BTAF1: variants seen among roughly 807,000 people sequenced by gnomAD.
BTAF1 encodes the protein B-TFIID TATA-box binding protein associated factor 1, also known as TATA-binding protein-associated factor 172.
BTAF1 carries 38 observed loss-of-function variants against 227.1 expected under a neutral mutation model. That is an observed-to-expected ratio of 0.17 (90% CI 0.13 to 0.22). The LOEUF (loss-of-function observed/expected upper bound fraction) is 0.22, where lower values mean the gene tolerates loss of function less well. Ranked by LOEUF, BTAF1 falls within the 10% of genes least tolerant of loss-of-function variation. The probability of loss-of-function intolerance (pLI) is 1.00; values close to 1 mark genes in which losing one functional copy is unlikely to be tolerated. For synonymous variants in BTAF1, 742 were observed against 751.9 expected (o/e 0.99, Z 0.21); for missense variants, 1,598 against 2,204.0 (o/e 0.73, Z 5.51).
In BTAF1 at chr10:92,008,288, CA is replaced by C; in HGVS notation, c.3813+15del. 1 of 1,552,112 alleles carries C rather than the reference CA, an allele frequency of 6.4e-7. No homozygotes were observed. Among genetic ancestry groups the C allele is most frequent in the Non-Finnish European group, 8.6e-7 (1 of 1,159,486 alleles). On this transcript the variant is annotated intron_variant, in intron 26 of 37. Coordinates refer to ENST00000265990, the MANE Select transcript of BTAF1 (RefSeq NM_003972.3). ...AAAATATCAGCAGGTAAGTTTTATA[CA>C]ATAGTGAGTTTTCCTTTCAAATGAA...
intron 28 of BTAF1, among the ~76,000 whole-genome samples, chr10:92,010,144 A>C (rs1850198281): frequency 6.6e-6 from 1 of 152,164 alleles, no homozygotes; most frequent in South Asian, 2.1e-4. Flanking sequence ...CAGTCACTTT[A>C]TGAGGTAGGA....
intron 25 of BTAF1, among the ~76,000 whole-genome samples, chr10:91,998,127 CAAA>C (rs55642022): frequency 1.6e-4 from 16 of 99,362 alleles, no homozygotes; most frequent in Non-Finnish European, 2.9e-4. Context: ...GACTCCATCT[CAAA>C]AAAAAAAAAA....
chr10:91,991,832 T>TATATATATACAC (rs1466556430), intron 20 of BTAF1, among the ~76,000 whole-genome samples: 3 of 11,294 alleles, frequency 2.7e-4, no homozygotes, highest in Admixed American at 3.5e-3. Context: ...TATATATATA[T>TATATATATACAC]ACACACATAT....
intron 1 of BTAF1, 127 bp downstream of exon 1, chr10:91,924,217 A>T: frequency 7.7e-7 from 1 of 1,305,036 alleles, no homozygotes; most frequent in South Asian, 1.5e-5. Flanking sequence ...TCTTCAGTAG[A>T]CTTCGGAGTT....
At chr10:91,963,001 T>A (rs1039879781) in intron 12 of BTAF1, among the ~76,000 whole-genome samples, 4 of 151,988 alleles carry the variant, frequency 2.6e-5, no homozygotes, top group Non-Finnish European at 4.4e-5. Context: ...ATTGTTTTTT[T>A]AAATCTAGTC....
chr10:91,948,333 T>A (rs1374667034), intron 4 of BTAF1, among the ~76,000 whole-genome samples: 5 of 151,234 alleles, frequency 3.3e-5, no homozygotes, highest in South Asian at 4.2e-4. Context: ...TGGTTTAAAA[T>A]TTTTTTTTCA....
chr10:91,956,651 T>C lies in BTAF1; in HGVS notation c.825T>C (p.Ile275=), dbSNP rs749729019. The C allele has an allele frequency of 2.5e-6, 4 of 1,610,052 alleles. No homozygotes were observed. Among genetic ancestry groups the C allele is most frequent in the Non-Finnish European group, 2.5e-6 (3 of 1,178,924 alleles). Residue 275 remains isoleucine (I), a synonymous_variant, in exon 7 of 38, where the codon ATT becomes ATC. Coordinates refer to ENST00000265990, the MANE Select transcript of BTAF1 (RefSeq NM_003972.3). ...ATATTCCAGACAGCTCTTCCTTAATTGAAGAGGTACTCTTGAAAGACTCTA... is the reference window on the plus strand; with the variant it reads ...ATATTCCAGACAGCTCTTCCTTAATCGAAGAGGTACTCTTGAAAGACTCTA... ...IDNIPDSSSL[I]EETNEWPLES...
intron 6 of BTAF1, 136 bp from the exon 7 acceptor site, chr10:91,956,392 A>G (rs1846087479): frequency 1.8e-6 from 2 of 1,117,580 alleles, no homozygotes; most frequent in Admixed American, 3.3e-5. Context: ...TATAAGCAGA[A>G]TATGGTGTAA....
At chr10:91,960,757 T>G (rs956593850) in intron 11 of BTAF1, among the ~76,000 whole-genome samples, 1 of 152,218 alleles carries the variant, frequency 6.6e-6, no homozygotes, top group Non-Finnish European at 1.5e-5. Context: ...ATGGCATGTC[T>G]TATAGAACAG....
intron 34 of BTAF1, among the ~76,000 whole-genome samples, chr10:92,021,469 A>G (rs779567771): frequency 6.6e-6 from 1 of 152,208 alleles, no homozygotes; most frequent in East Asian, 1.9e-4. Flanking sequence ...TAATAACTAT[A>G]TAACGGCCAA....
intron 20 of BTAF1, among the ~76,000 whole-genome samples, chr10:91,991,767 TTA>T (rs1163007088): frequency 4.2e-4 from 46 of 108,656 alleles, no homozygotes; most frequent in African/African-American, 1.3e-3. Context: ...AAAAAAAAAA[TTA>T]TATATATGTG....
At chr10:91,928,854 TCTCA>T (rs745478505) in intron 1 of BTAF1, among the ~76,000 whole-genome samples, 1 of 148,442 alleles carries the variant, frequency 6.7e-6, no homozygotes, top group Non-Finnish European at 1.5e-5. Context: ...GGAGGCAGAG[TCTCA>T]CTCTGTCCTC....
chr10:92,005,240 T>TG (rs1237124972), intron 25 of BTAF1, among the ~76,000 whole-genome samples: 1 of 152,000 alleles, frequency 6.6e-6, no homozygotes, highest in Non-Finnish European at 1.5e-5. Flanking sequence ...ACATGAGTTT[T>TG]TTTGTTTGTT....
chr10:92,014,086 T>A (rs1358908542), intron 32 of BTAF1, 57 bp downstream of exon 32: 2 of 1,535,758 alleles, frequency 1.3e-6, no homozygotes, highest in African/African-American at 2.8e-5. Flanking sequence ...GATTGTTTTG[T>A]ATGAGCCACA....
At chr10:92,022,190 A>G (rs1329745929) in intron 34 of BTAF1, among the ~76,000 whole-genome samples, 1 of 152,250 alleles carries the variant, frequency 6.6e-6, no homozygotes, top group East Asian at 1.9e-4. Context: ...ATGTCCACAT[A>G]TTCAGTAGGA....
chr10:91,994,933 T>A (rs945445734), intron 23 of BTAF1, among the ~76,000 whole-genome samples: 2 of 152,122 alleles, frequency 1.3e-5, no homozygotes, highest in Admixed American at 6.5e-5. Context: ...GAAAGAAAAC[T>A]GCAGCCCTGT....
chr10:92,008,018 A>T, intron 25 of BTAF1, 105 bp from the exon 26 acceptor site: 1 of 1,102,364 alleles, frequency 9.1e-7, no homozygotes, highest in Non-Finnish European at 1.3e-6. Flanking sequence ...GTCTTTGTAC[A>T]ATTTTCAGAA....
chr10:92,017,602 C>T (rs1350740433), intron 33 of BTAF1, among the ~76,000 whole-genome samples: 1 of 151,830 alleles, frequency 6.6e-6, no homozygotes, highest in African/African-American at 2.4e-5. Context: ...CCTCAAATTC[C>T]AGGGCTCAAG....
intron 25 of BTAF1, among the ~76,000 whole-genome samples, chr10:92,002,245 CTTTAT>C (rs1849599207): frequency 1.3e-5 from 2 of 152,124 alleles, no homozygotes; most frequent in South Asian, 2.1e-4. Flanking sequence ...TCCTGTTCCT[CTTTAT>C]TTTGATTCTC....
Sources: gnomAD v4.1 joint callset for allele counts (sites outside exome capture counted in the v4.1 genomes callset) on GRCh38, gnomAD v4.1.1 for gene constraint, MANE v1.5 for transcripts, NCBI Gene and HGNC (gene_info 2026-07-23, HGNC 2026-07-21) for gene names.